Variants in ATP10A observed in about 807,000 individuals in gnomAD.
The protein encoded by ATP10A is phospholipid-transporting ATPase VA.
A neutral mutation model predicts 147.8 loss-of-function variants in ATP10A; 111 were observed. That is an observed-to-expected ratio of 0.75 (90% CI 0.64 to 0.88). ATP10A has a LOEUF of 0.88. Ranked by LOEUF, ATP10A falls within the 40% of genes least tolerant of loss-of-function variation. ATP10A has a pLI of 0.00. For synonymous variants in ATP10A, 875 were observed against 841.6 expected (o/e 1.04, Z -0.69); for missense variants, 1,927 against 1,959.0 (o/e 0.98, Z 0.31).
chr15:25,681,511 G>T (rs1899408539), intron 17 of ATP10A, among the ~76,000 whole-genome samples: 1 of 152,084 alleles, frequency 6.6e-6, no homozygotes, highest in African/African-American at 2.4e-5. Context: ...TTCTCTTTTA[G>T]AGAGCCTCTC....
intron 7 of ATP10A, among the ~76,000 whole-genome samples, chr15:25,721,430 AGGGC>A (rs1351054102): frequency 6.6e-6 from 1 of 152,204 alleles, no homozygotes; most frequent in East Asian, 1.9e-4. Flanking sequence ...CTGCAGGAAC[AGGGC>A]GGGCGGCCGT....
At chr15:25,814,381 C>A (rs925909818) in intron 1 of ATP10A, among the ~76,000 whole-genome samples, 1 of 152,206 alleles carries the variant, frequency 6.6e-6, no homozygotes, top group African/African-American at 2.4e-5. Context: ...AAATGTTCAA[C>A]GAAGTCCTTC....
At chr15:25,819,950 A>G (rs545954934) in intron 1 of ATP10A, among the ~76,000 whole-genome samples, 1 of 152,244 alleles carries the variant, frequency 6.6e-6, no homozygotes, top group East Asian at 1.9e-4. Context: ...GAGGTGAGGG[A>G]TGAGAAGTTA....
At chr15:25,699,691 G>T (rs376220415) in intron 13 of ATP10A, among the ~76,000 whole-genome samples, 2 of 152,100 alleles carry the variant, frequency 1.3e-5, no homozygotes, top group Admixed American at 1.3e-4. Flanking sequence ...CAACGCTGGG[G>T]CATCCCATCT....
chr15:25,694,546 T>C (rs1032696336), intron 14 of ATP10A, among the ~76,000 whole-genome samples: 2 of 152,210 alleles, frequency 1.3e-5, no homozygotes, highest in African/African-American at 4.8e-5. Flanking sequence ...TGCTGTCTCC[T>C]GAGAAACAGG....
chr15:25,862,314 CCT>C, intron 1 of ATP10A: 1 of 537,892 alleles, frequency 1.9e-6, no homozygotes, highest in Non-Finnish European at 3.6e-6. Context: ...GCTTTTCCTG[CCT>C]TTCACTTCAG....
chr15:25,846,086 G>A (rs1464529444), intron 1 of ATP10A, among the ~76,000 whole-genome samples: 3 of 152,150 alleles, frequency 2.0e-5, no homozygotes, highest in Admixed American at 6.5e-5. Flanking sequence ...TTCCGCTCAC[G>A]TGAGACACCC....
At chr15:25,825,859 A>T (rs1892090677) in intron 1 of ATP10A, among the ~76,000 whole-genome samples, 1 of 152,226 alleles carries the variant, frequency 6.6e-6, no homozygotes, top group African/African-American at 2.4e-5. Context: ...ATTGTCCCCA[A>T]GCAAGCTCAG....
At chr15:25,842,585 G>T (rs11633457) in intron 1 of ATP10A, among the ~76,000 whole-genome samples, 24,777 of 151,986 alleles carry the variant, frequency 0.16, 2,242 homozygotes, top group Middle Eastern at 0.31. Context: ...GTATTTTGGG[G>T]GATATTTCTA....
chr15:25,754,524 GTTC>G (rs1020590334), intron 2 of ATP10A, among the ~76,000 whole-genome samples: 1 of 152,138 alleles, frequency 6.6e-6, no homozygotes, highest in Non-Finnish European at 1.5e-5. Flanking sequence ...TTGGATTTGT[GTTC>G]TTTTTTCTTA....
Position 25,723,890 on chromosome 15 carries a change from C to A in ATP10A, c.1110+1G>T. 4.4e-6 allele frequency: 7 copies of A among 1,589,368 alleles called. No individual in the cohort carries two copies. The highest frequency in any genetic ancestry group is 6.0e-6 in the Non-Finnish European group (7 of 1,170,864). On this transcript the variant is annotated splice_donor_variant, in intron 6 of 20. Transcript: ENST00000555815. LOFTEE classifies it high-confidence loss of function. ...TATTGTACGATACTTAGTATTGTTA[C>A]CTGCAGAACTATTATCATTGTTAAA...
chr15:25,682,681 T>C (rs1899489520), intron 17 of ATP10A, among the ~76,000 whole-genome samples: 1 of 152,240 alleles, frequency 6.6e-6, no homozygotes, highest in Admixed American at 6.5e-5. Context: ...CTGTGGGAAC[T>C]GAACATTCTC....
chr15:25,705,272 A>G (rs1054227108), intron 12 of ATP10A, among the ~76,000 whole-genome samples: 3 of 151,544 alleles, frequency 2.0e-5, no homozygotes, highest in Admixed American at 2.0e-4. Context: ...GTCTCTACCA[A>G]AAAAAAGTAA....
At chr15:25,845,377 GA>G (rs1265681732) in intron 1 of ATP10A, among the ~76,000 whole-genome samples, 2 of 151,906 alleles carry the variant, frequency 1.3e-5, no homozygotes, top group Non-Finnish European at 2.9e-5. Context: ...GGTGATGGCC[GA>G]AGTTAACTGT....
At chr15:25,808,395 T>C (rs1254376912) in intron 1 of ATP10A, among the ~76,000 whole-genome samples, 1 of 105,356 alleles carries the variant, frequency 9.5e-6, no homozygotes, top group Non-Finnish European at 2.3e-5. Context: ...TTTTGTTTTG[T>C]TTTTTGAGAT....
At chr15:25,851,190 A>T (rs1893280534) in intron 1 of ATP10A, among the ~76,000 whole-genome samples, 1 of 152,036 alleles carries the variant, frequency 6.6e-6, no homozygotes, top group Non-Finnish European at 1.5e-5. Flanking sequence ...CTGAAACAGA[A>T]ATAAGGCAGG....
intron 3 of ATP10A, among the ~76,000 whole-genome samples, chr15:25,732,259 T>A (rs1254223603): frequency 6.6e-6 from 1 of 152,104 alleles, no homozygotes; most frequent in Non-Finnish European, 1.5e-5. Context: ...TTTTTGAGAC[T>A]GGGTCTTGCT....
At chr15:25,830,176 C>A (rs1020784551) in intron 1 of ATP10A, among the ~76,000 whole-genome samples, 2 of 152,100 alleles carry the variant, frequency 1.3e-5, no homozygotes, top group Admixed American at 1.3e-4. Context: ...CCAGCACAGG[C>A]ACCTGGGGGT....
chr15:25,786,787 A>G (rs11631750), intron 1 of ATP10A, among the ~76,000 whole-genome samples: 61,080 of 144,296 alleles, frequency 0.42, 13,110 homozygotes, highest in East Asian at 0.6. Flanking sequence ...CACCATGCCC[A>G]GCTAGTTTTT....
Sources: allele counts gnomAD v4.1 joint callset (sites outside exome capture counted in the v4.1 genomes callset), GRCh38; gene constraint gnomAD v4.1.1; transcripts MANE v1.5; gene names NCBI Gene and HGNC (gene_info 2026-07-23, HGNC 2026-07-21).